ZNF618: variants seen among roughly 807,000 people sequenced by gnomAD.
ZNF618 encodes neural precursor cell expressed, developmentally down-regulated 10.
ZNF618 carries 34 observed loss-of-function variants against 103.0 expected under a neutral mutation model. That is an observed-to-expected ratio of 0.33 (90% CI 0.25 to 0.44). The LOEUF is 0.44. Among genes scored for constraint, ZNF618 ranks in the 20% least tolerant of loss-of-function variants. The pLI is 1.00. For missense variants in ZNF618, 1,059 were observed against 1,295.4 expected (o/e 0.82, Z 2.80); for synonymous variants, 551 against 542.2 (o/e 1.02, Z -0.23).
At chr9:113,930,223 A>T (rs945261581) in intron 1 of ZNF618, among the ~76,000 whole-genome samples, 3 of 152,228 alleles carry the variant, frequency 2.0e-5, no homozygotes, top group African/African-American at 7.2e-5. Flanking sequence ...ATGTATGTCA[A>T]GGTTACCTTT....
intron 12 of ZNF618, among the ~76,000 whole-genome samples, chr9:114,033,940 C>G (rs1399374886): frequency 6.6e-6 from 1 of 152,168 alleles, no homozygotes; most frequent in Admixed American, 6.5e-5. Flanking sequence ...GTGGAGGCAT[C>G]TGCCTAGTAA....
intron 10 of ZNF618, among the ~76,000 whole-genome samples, chr9:114,025,474 G>T (rs1843410505): frequency 6.6e-6 from 1 of 152,236 alleles, no homozygotes; most frequent in South Asian, 2.1e-4. Context: ...GATATCTCTT[G>T]TGTGTAGATA....
chr9:113,996,537 C>T (rs1291722913), intron 3 of ZNF618, among the ~76,000 whole-genome samples: 1 of 152,208 alleles, frequency 6.6e-6, no homozygotes, highest in Non-Finnish European at 1.5e-5. Flanking sequence ...AACTAGACCC[C>T]CTGTCCTCGC....
intron 1 of ZNF618, among the ~76,000 whole-genome samples, chr9:113,941,661 A>AT (rs1175669041): frequency 2.0e-5 from 3 of 152,174 alleles, no homozygotes; most frequent in African/African-American, 7.2e-5. Context: ...GAGAAGTCTA[A>AT]TACTAGACTG....
At chr9:113,903,475 G>GT (rs11439947) in intron 1 of ZNF618, among the ~76,000 whole-genome samples, 36,453 of 144,538 alleles carry the variant, frequency 0.25, 4,432 homozygotes, top group East Asian at 0.35. Flanking sequence ...ATCTGCCTCT[G>GT]TTTTTTTTTT....
At chr9:113,899,527 A>G (rs1263562319) in intron 1 of ZNF618, among the ~76,000 whole-genome samples, 1 of 152,200 alleles carries the variant, frequency 6.6e-6, no homozygotes, top group Non-Finnish European at 1.5e-5. Flanking sequence ...AATTGTGCAC[A>G]CGAGGGATCT....
chr9:114,016,868 G>A, intron 10 of ZNF618, 84 bp downstream of exon 10: 4 of 1,103,134 alleles, frequency 3.6e-6, no homozygotes, highest in Non-Finnish European at 5.3e-6. Context: ...CTGGAATTTG[G>A]CCAGGAAATG....
chr9:113,930,434 A>G (rs1325145025), intron 1 of ZNF618, among the ~76,000 whole-genome samples: 2 of 152,154 alleles, frequency 1.3e-5, no homozygotes, highest in East Asian at 1.9e-4. Flanking sequence ...GGGAAACTTC[A>G]TAGGTTTAGG....
chr9:113,922,843 CT>C (rs34584784), intron 1 of ZNF618, among the ~76,000 whole-genome samples: 1 of 152,150 alleles, frequency 6.6e-6, no homozygotes, highest in Non-Finnish European at 1.5e-5. Flanking sequence ...CACAGAACAA[CT>C]TCTGGACTTG....
chr9:113,966,447 A>C (rs543587861), intron 1 of ZNF618, among the ~76,000 whole-genome samples: 131 of 152,272 alleles, frequency 8.6e-4, no homozygotes, highest in African/African-American at 3.1e-3. Context: ...AATCATATGA[A>C]ACTGCTGGTG....
At chr9:113,994,104 G>A (rs1840335342) in intron 3 of ZNF618, among the ~76,000 whole-genome samples, 1 of 152,210 alleles carries the variant, frequency 6.6e-6, no homozygotes, top group African/African-American at 2.4e-5. Flanking sequence ...CAGGACCGAG[G>A]TACAGAGGTG....
chr9:113,889,663 A>C (rs1451991576), intron 1 of ZNF618, among the ~76,000 whole-genome samples: 1 of 152,140 alleles, frequency 6.6e-6, no homozygotes, highest in African/African-American at 2.4e-5. Context: ...ATCTTTGGAA[A>C]ACAAGGGCCA....
intron 1 of ZNF618, among the ~76,000 whole-genome samples, chr9:113,961,886 C>T (rs1429556439): frequency 6.6e-6 from 1 of 152,166 alleles, no homozygotes; most frequent in Non-Finnish European, 1.5e-5. Context: ...ACAGTTCATC[C>T]ATATGGTTTG....
chr9:113,887,560 G>A (rs978122885), intron 1 of ZNF618, among the ~76,000 whole-genome samples: 5 of 152,166 alleles, frequency 3.3e-5, no homozygotes, highest in Non-Finnish European at 5.9e-5. Flanking sequence ...TGAGTCCTGC[G>A]GGGACTGGAA....
intron 1 of ZNF618, among the ~76,000 whole-genome samples, chr9:113,960,303 G>A (rs186902490): frequency 2.6e-5 from 4 of 152,324 alleles, no homozygotes; most frequent in Admixed American, 2.0e-4. Context: ...ACTGCAGCTC[G>A]CAATTGCTTT....
rs3034065 is a variant in ZNF618 at position 113,884,774 on chromosome 9, CAGAGAGAGAGAGAGAG to C, written c.33+8385_33+8400del. Among the ~76,000 whole-genome samples, 136 of 142,286 alleles carry C rather than the reference CAGAGAGAGAGAGAGAG, an allele frequency of 9.6e-4. 1 individual carries two copies. The highest frequency in any genetic ancestry group is 2.6e-3 in the African/African-American group (99 of 38,552). The allele number at this position is 142,286 out of a possible 152,430, so 93.3% of individuals were successfully genotyped here. A position where few individuals can be genotyped will look rare whatever the true frequency, so the allele number is the denominator to read the frequency against. On this transcript the variant is annotated intron_variant, in intron 1 of 14. Transcript: ENST00000374126. ...CCTTCCTTATCGAGACACAAACACA[CAGAGAGAGAGAGAGAG>C]AGAGAGAGAGAGAGAGAGAGAGACA...
intron 1 of ZNF618, among the ~76,000 whole-genome samples, chr9:113,934,621 G>A (rs1833881275): frequency 6.6e-6 from 1 of 152,214 alleles, no homozygotes; most frequent in African/African-American, 2.4e-5. Context: ...GGGATTGTTG[G>A]AGTGAGAATA....
chr9:114,032,659 A>G lies in ZNF618; in HGVS notation c.1099A>G (p.Ser367Gly), dbSNP rs767317263. The change falls in exon 12 of 15, where the codon AGT (serine) becomes GGT (glycine). Residue 367 changes from serine (S) to glycine (G), a missense_variant. Coordinates refer to ENST00000374126, the MANE Select transcript of ZNF618 (RefSeq NM_001318042.2). ...CCCCCACCCAGCAGAAAGCGCTTTC[A>G]GTCGGAGAGTAGAAGGCAAAGCACA... The part of the protein sequence containing the change: ...SKATAAESAF[S>G]RRVEGKAQNH... 3 of 1,614,020 alleles carry G rather than the reference A, an allele frequency of 1.9e-6. No homozygotes were observed. Among genetic ancestry groups the G allele is most frequent in the Non-Finnish European group, 1.7e-6 (2 of 1,179,886 alleles).
At chr9:114,042,536 A>T (rs1845293782) in intron 13 of ZNF618, among the ~76,000 whole-genome samples, 1 of 152,118 alleles carries the variant, frequency 6.6e-6, no homozygotes, top group African/African-American at 2.4e-5. Flanking sequence ...AATTAAAATT[A>T]AAAAAATTTA....
Sources: allele counts gnomAD v4.1 joint callset (sites outside exome capture counted in the v4.1 genomes callset), GRCh38; gene constraint gnomAD v4.1.1; transcripts MANE v1.5; gene names NCBI Gene and HGNC (gene_info 2026-07-23, HGNC 2026-07-21).